XPR1: variants seen among roughly 807,000 people sequenced by gnomAD.
XPR1 encodes solute carrier family 53 member 1.
In XPR1, 28 loss-of-function variants were observed where a neutral mutation model predicts 87.5. That is an observed-to-expected ratio of 0.32 (90% CI 0.24 to 0.44). The LOEUF is 0.44. XPR1 is among the 20% of genes least tolerant of loss of function. XPR1 has a pLI of 1.00. For synonymous variants in XPR1, 300 were observed against 306.1 expected (o/e 0.98, Z 0.21); for missense variants, 559 against 862.3 (o/e 0.65, Z 4.41).
intron 2 of XPR1, among the ~76,000 whole-genome samples, chr1:180,737,289 A>G (rs1658758563): frequency 1.3e-5 from 2 of 152,172 alleles, no homozygotes; most frequent in South Asian, 4.1e-4. Flanking sequence ...CAAACACTGG[A>G]GTTATCATTG....
chr1:180,880,045 T>G, intron 13 of XPR1, 31 bp from the exon 14 acceptor site: 1 of 1,611,642 alleles, frequency 6.2e-7, no homozygotes, highest in Non-Finnish European at 8.5e-7. Flanking sequence ...TACAATTTCA[T>G]AAGTACTTTG....
chr1:180,846,176 C>T (rs938520883), intron 11 of XPR1, among the ~76,000 whole-genome samples: 3 of 150,968 alleles, frequency 2.0e-5, no homozygotes, highest in East Asian at 2.0e-4. Flanking sequence ...GCAGGAGAAT[C>T]GCTTGAACCC....
chr1:180,790,819 G>C (rs959752266), intron 3 of XPR1, among the ~76,000 whole-genome samples: 1 of 152,172 alleles, frequency 6.6e-6, no homozygotes, highest in Non-Finnish European at 1.5e-5. Flanking sequence ...GGGATTGCAG[G>C]TGTGAGCCAC....
intron 13 of XPR1, chr1:180,878,151 T>C (rs550609327): frequency 6.6e-6 from 1 of 152,410 alleles, no homozygotes; most frequent in Admixed American, 6.5e-5. Flanking sequence ...CTTCTTTCTC[T>C]TTCATGTGTG....
Position 180,747,213 on chromosome 1 carries a change from AT to A in XPR1, c.122-40534del, listed in dbSNP as rs544605661. On this transcript the variant is annotated intron_variant, in intron 2 of 14. Transcript: ENST00000367590. ...TCCTAAAACTTAGACGTAAGTATAC[AT>A]TTTTTAAAAAGAATACTAGTAATCT... 1.7e-3 allele frequency among the ~76,000 whole-genome samples: 258 copies of A among 152,304 alleles called. 1 individual carries two copies. Among genetic ancestry groups the A allele is most frequent in the African/African-American group, 6.0e-3 (251 of 41,568 alleles).
intron 2 of XPR1, among the ~76,000 whole-genome samples, chr1:180,772,772 A>G (rs183617179): frequency 2.6e-5 from 4 of 152,302 alleles, no homozygotes; most frequent in Admixed American, 2.0e-4. Context: ...GCCTTTCACC[A>G]TGATTGTGAG....
At chr1:180,760,564 G>A (rs950753300) in intron 2 of XPR1, among the ~76,000 whole-genome samples, 9 of 152,186 alleles carry the variant, frequency 5.9e-5, no homozygotes, top group African/African-American at 2.2e-4. Context: ...CAAGGGATGT[G>A]AAGGACCTCT....
intron 2 of XPR1, among the ~76,000 whole-genome samples, chr1:180,756,568 A>G (rs552142224): frequency 1.2e-4 from 18 of 152,252 alleles, no homozygotes; most frequent in African/African-American, 2.9e-4. Context: ...CTCCCATTCT[A>G]TGTTTACCTT....
At chr1:180,713,798 CTG>C (rs1217565960) in intron 2 of XPR1, among the ~76,000 whole-genome samples, 2 of 151,966 alleles carry the variant, frequency 1.3e-5, no homozygotes, top group Non-Finnish European at 2.9e-5. Context: ...ATTTTTACAT[CTG>C]TATTTATATG....
intron 2 of XPR1, among the ~76,000 whole-genome samples, chr1:180,717,556 A>G (rs1658038953): frequency 6.6e-6 from 1 of 152,160 alleles, no homozygotes; most frequent in Non-Finnish European, 1.5e-5. Flanking sequence ...AAAATATGCA[A>G]ATACCGAGAT....
chr1:180,883,926 TG>T, intron 14 of XPR1, 79 bp from the exon 15 acceptor site: 1 of 1,278,846 alleles, frequency 7.8e-7, no homozygotes, highest in Middle Eastern at 1.9e-4. Context: ...ATGGTAAGAC[TG>T]GAAATGTGTC....
At chr1:180,815,934 G>C (rs1219277835) in intron 7 of XPR1, among the ~76,000 whole-genome samples, 1 of 152,012 alleles carries the variant, frequency 6.6e-6, no homozygotes, top group Non-Finnish European at 1.5e-5. Context: ...ACTTGTACAT[G>C]GTTGCAAAGA....
chr1:180,749,041 A>G (rs1210410685), intron 2 of XPR1, among the ~76,000 whole-genome samples: 1 of 152,214 alleles, frequency 6.6e-6, no homozygotes, highest in African/African-American at 2.4e-5. Context: ...TCTACTAAAA[A>G]TTTTAAAAAA....
chr1:180,734,435 A>G (rs1417698261), intron 2 of XPR1, among the ~76,000 whole-genome samples: 1 of 152,220 alleles, frequency 6.6e-6, no homozygotes, highest in Non-Finnish European at 1.5e-5. Context: ...GCAAACAGGC[A>G]GTGGGTTAGG....
chr1:180,646,729 C>G (rs980860162), intron 1 of XPR1, among the ~76,000 whole-genome samples: 3 of 152,124 alleles, frequency 2.0e-5, no homozygotes, highest in Admixed American at 1.3e-4. Flanking sequence ...CTTACCGAAA[C>G]TGTGACCGAG....
intron 2 of XPR1, among the ~76,000 whole-genome samples, chr1:180,756,582 A>G (rs1417587917): frequency 2.0e-5 from 3 of 152,106 alleles, no homozygotes; most frequent in Non-Finnish European, 4.4e-5. Context: ...TTACCTTTTC[A>G]TGTTATTGAT....
intron 11 of XPR1, among the ~76,000 whole-genome samples, chr1:180,855,739 C>A (rs1270286715): frequency 6.6e-6 from 1 of 152,012 alleles, no homozygotes; most frequent in African/African-American, 2.4e-5. Flanking sequence ...CCTAACTCAG[C>A]CTTTTCCTCT....
chr1:180,804,671 A>G (rs1434823754), intron 4 of XPR1, among the ~76,000 whole-genome samples: 1 of 152,154 alleles, frequency 6.6e-6, no homozygotes, highest in Non-Finnish European at 1.5e-5. Flanking sequence ...GTAATCTTAA[A>G]TTGTTAATGC....
Position 180,632,290 on chromosome 1 carries a change from G to A in XPR1, c.69+20G>A, listed in dbSNP as rs1249005862. On this transcript the variant is annotated intron_variant, in intron 1 of 14. Coordinates refer to ENST00000367590, the MANE Select transcript of XPR1 (RefSeq NM_004736.4). ...TATGAGGTACCGGCACGGCTGGGGT[G>A]TGGGAGGACTCGGAGGGGCCACCAT... 6.2e-7 allele frequency: 1 copy of A among 1,607,566 alleles called. No individual in the cohort carries two copies. The highest frequency in any genetic ancestry group is 1.7e-5 in the Admixed American group (1 of 59,280).
Sources: gnomAD v4.1 joint callset for allele counts (sites outside exome capture counted in the v4.1 genomes callset) on GRCh38, gnomAD v4.1.1 for gene constraint, MANE v1.5 for transcripts, NCBI Gene and HGNC (gene_info 2026-07-23, HGNC 2026-07-21) for gene names.